The following LRMDA variants were observed in gnomAD, a reference collection of about 807,000 sequenced individuals.
LRMDA encodes leucine-rich melanocyte differentiation-associated protein.
LRMDA carries 18 observed loss-of-function variants against 29.8 expected under a neutral mutation model. The ratio of observed to expected loss-of-function variants is 0.60; its 90% confidence interval spans 0.42 to 0.90. The LOEUF (loss-of-function observed/expected upper bound fraction) is 0.90. Ranked by LOEUF, LRMDA falls within the 40% of genes least tolerant of loss-of-function variation. LRMDA has a pLI of 0.00. For missense variants in LRMDA, 273 were observed against 273.9 expected (o/e 1.00, Z 0.02); for synonymous variants, 125 against 109.4 (o/e 1.14, Z -0.89).
intron 2 of LRMDA, among the ~76,000 whole-genome samples, chr10:75,505,333 T>G (rs189427114): frequency 6.6e-6 from 1 of 152,218 alleles, no homozygotes; most frequent in East Asian, 1.9e-4. Flanking sequence ...CACTAGTATG[T>G]TCACATTCTA....
intron 2 of LRMDA, among the ~76,000 whole-genome samples, chr10:75,846,521 G>C (rs1006381130): frequency 2.0e-5 from 3 of 152,112 alleles, no homozygotes; most frequent in African/African-American, 4.8e-5. Flanking sequence ...GGTGGTCATA[G>C]CACTGGAAAG....
chr10:75,631,103 T>G (rs755610296), intron 2 of LRMDA, among the ~76,000 whole-genome samples: 1 of 152,202 alleles, frequency 6.6e-6, no homozygotes, highest in Non-Finnish European at 1.5e-5. Flanking sequence ...CTTGTGACTT[T>G]CCTGCTGACT....
At chr10:76,116,026 G>A (rs576340922) in intron 5 of LRMDA, among the ~76,000 whole-genome samples, 70 of 152,296 alleles carry the variant, frequency 4.6e-4, no homozygotes, top group African/African-American at 1.3e-3. Flanking sequence ...GTGACACGGC[G>A]CGTTATCACT....
chr10:76,285,884 T>G (rs1328327771), intron 5 of LRMDA, among the ~76,000 whole-genome samples: 1 of 152,188 alleles, frequency 6.6e-6, no homozygotes, highest in Non-Finnish European at 1.5e-5. Context: ...AGTGCTAGAG[T>G]CCCTCTTGAA....
chr10:75,810,639 G>A (rs1017742060), intron 2 of LRMDA, among the ~76,000 whole-genome samples: 7 of 152,174 alleles, frequency 4.6e-5, no homozygotes, highest in East Asian at 1.9e-4. Context: ...CCCTTTACAC[G>A]GGAATGCTTA....
intron 5 of LRMDA, among the ~76,000 whole-genome samples, chr10:76,199,177 A>G (rs531498407): frequency 6.6e-6 from 1 of 152,306 alleles, no homozygotes; most frequent in South Asian, 2.1e-4. Flanking sequence ...TTGGAACTTC[A>G]TATTCATGAA....
At chr10:75,648,879 T>G (rs1465958227) in intron 2 of LRMDA, among the ~76,000 whole-genome samples, 2 of 152,144 alleles carry the variant, frequency 1.3e-5, no homozygotes, top group African/African-American at 2.4e-5. Context: ...AAACAGATGT[T>G]CTGAGTAGTT....
At chr10:76,258,024 A>G (rs1364143521) in intron 5 of LRMDA, among the ~76,000 whole-genome samples, 1 of 152,234 alleles carries the variant, frequency 6.6e-6, no homozygotes, top group Non-Finnish European at 1.5e-5. Context: ...TCCTTGTATA[A>G]CATTTGTTAA....
chr10:76,363,246 A>AG (rs1841347312), intron 6 of LRMDA, among the ~76,000 whole-genome samples: 1 of 51,984 alleles, frequency 1.9e-5, no homozygotes, highest in Non-Finnish European at 4.4e-5. Flanking sequence ...AAAGAAAGAA[A>AG]GAAAGAAAGA....
intron 6 of LRMDA, among the ~76,000 whole-genome samples, chr10:76,453,873 G>T (rs1001688787): frequency 2.0e-5 from 3 of 152,102 alleles, no homozygotes; most frequent in African/African-American, 7.2e-5. Context: ...TGTTTTATGA[G>T]AACATAAAAT....
At chr10:75,783,107 C>A in intron 2 of LRMDA, 2 of 1,505,130 alleles carry the variant, frequency 1.3e-6, no homozygotes, top group South Asian at 1.1e-5. Flanking sequence ...GGCTGGCTGT[C>A]AGGGTAGGAC....
intron 5 of LRMDA, among the ~76,000 whole-genome samples, chr10:76,180,076 G>T (rs1448379930): frequency 6.6e-6 from 1 of 152,080 alleles, no homozygotes; most frequent in Admixed American, 6.6e-5. Flanking sequence ...AGTAAGGGCT[G>T]CTGCTACTTA....
intron 2 of LRMDA, among the ~76,000 whole-genome samples, chr10:75,762,822 A>G (rs1843115021): frequency 6.6e-6 from 1 of 152,228 alleles, no homozygotes; most frequent in African/African-American, 2.4e-5. Context: ...TCTCATATAT[A>G]TATGAGACCT....
intron 2 of LRMDA, among the ~76,000 whole-genome samples, chr10:75,822,192 C>G (rs1216540572): frequency 9.2e-5 from 14 of 151,994 alleles, no homozygotes. Flanking sequence ...AGCTGAGAAG[C>G]AAATCAAAGA....
At chr10:75,505,997 A>G (rs1845164877) in intron 2 of LRMDA, among the ~76,000 whole-genome samples, 1 of 152,202 alleles carries the variant, frequency 6.6e-6, no homozygotes, top group Non-Finnish European at 1.5e-5. Context: ...TTTAAGGCTT[A>G]TTAGTTTCAT....
At chr10:76,261,981 C>G (rs979952893) in intron 5 of LRMDA, among the ~76,000 whole-genome samples, 1 of 151,960 alleles carries the variant, frequency 6.6e-6, no homozygotes, top group Non-Finnish European at 1.5e-5. Context: ...TCATGTAATC[C>G]CAGCTACTTG....
intron 2 of LRMDA, among the ~76,000 whole-genome samples, chr10:75,549,761 G>A (rs1224208933): frequency 3.3e-5 from 5 of 151,930 alleles, no homozygotes; most frequent in Non-Finnish European, 5.9e-5. Flanking sequence ...CATTTTTATC[G>A]CCATAAAAAG....
intron 6 of LRMDA, among the ~76,000 whole-genome samples, chr10:76,433,206 C>T (rs570882942): frequency 7.2e-5 from 11 of 152,310 alleles, no homozygotes; most frequent in African/African-American, 2.4e-4. Flanking sequence ...TGTTAATGGG[C>T]ACCCCTGCCT....
intron 2 of LRMDA, among the ~76,000 whole-genome samples, chr10:75,993,942 G>T (rs1222399854): frequency 6.6e-6 from 1 of 152,110 alleles, no homozygotes; most frequent in Non-Finnish European, 1.5e-5. Flanking sequence ...ATCCAGAAGA[G>T]AGAGGGAAAA....
Sources: gnomAD v4.1 joint callset for allele counts (sites outside exome capture counted in the v4.1 genomes callset) on GRCh38, gnomAD v4.1.1 for gene constraint, MANE v1.5 for transcripts, NCBI Gene and HGNC (gene_info 2026-07-23, HGNC 2026-07-21) for gene names.